Variants in SOX5 observed in about 807,000 individuals in gnomAD.
SOX5 encodes the protein SRY-box transcription factor 5.
Under a neutral mutation model 92.0 loss-of-function variants are expected in SOX5, and 9 were observed. That is an observed-to-expected ratio of 0.10 (90% CI 0.06 to 0.17). The LOEUF (loss-of-function observed/expected upper bound fraction) is 0.17. SOX5 is among the 10% of genes least tolerant of loss of function. The pLI is 1.00. For missense variants in SOX5, 642 were observed against 944.5 expected (o/e 0.68, Z 4.20); for synonymous variants, 344 against 336.3 (o/e 1.02, Z -0.25).
chr12:24,464,018 C>T (rs999002499), intron 1 of SOX5, among the ~76,000 whole-genome samples: 4 of 152,116 alleles, frequency 2.6e-5, no homozygotes, highest in African/African-American at 9.7e-5. Flanking sequence ...TTTAAAACTT[C>T]GCTGACAAAT....
intron 3 of SOX5, among the ~76,000 whole-genome samples, chr12:23,814,312 A>T (rs2095941386): frequency 6.6e-6 from 1 of 152,136 alleles, no homozygotes; most frequent in Non-Finnish European, 1.5e-5. Flanking sequence ...TCAGTGATAG[A>T]CGCCAAAACA....
chr12:23,776,224 G>A (rs2095094582), intron 3 of SOX5, among the ~76,000 whole-genome samples: 1 of 151,954 alleles, frequency 6.6e-6, no homozygotes, highest in African/African-American at 2.4e-5. Flanking sequence ...AAGTTCTCCT[G>A]GTCATTGTAA....
At chr12:24,260,605 T>C (rs1009404705) in intron 3 of SOX5, among the ~76,000 whole-genome samples, 1 of 152,156 alleles carries the variant, frequency 6.6e-6, no homozygotes, top group Non-Finnish European at 1.5e-5. Flanking sequence ...TGGACTTCCT[T>C]AGGTAGTGAT....
At chr12:24,375,532 C>G (rs1157659800) in intron 1 of SOX5, among the ~76,000 whole-genome samples, 1 of 151,470 alleles carries the variant, frequency 6.6e-6, no homozygotes, top group African/African-American at 2.4e-5. Context: ...GTCAGGAGTT[C>G]GAGACCAGCC....
chr12:23,833,219 A>G (rs963680774), intron 3 of SOX5, among the ~76,000 whole-genome samples: 4 of 152,014 alleles, frequency 2.6e-5, no homozygotes, highest in Non-Finnish European at 4.4e-5. Context: ...AGGAACAGGA[A>G]AGGTCTTAAC....
intron 6 of SOX5, among the ~76,000 whole-genome samples, chr12:23,697,869 A>G (rs1400272481): frequency 6.6e-6 from 1 of 152,128 alleles, no homozygotes; most frequent in East Asian, 1.9e-4. Flanking sequence ...ACATTTAATA[A>G]AATTAATGAC....
chr12:24,285,154 A>C (rs1945713788), intron 2 of SOX5, among the ~76,000 whole-genome samples: 1 of 152,104 alleles, frequency 6.6e-6, no homozygotes, highest in Non-Finnish European at 1.5e-5. Context: ...AAGAAAAAAA[A>C]ATAATCAGAG....
chr12:24,024,036 T>G (rs1054180274), intron 4 of SOX5, among the ~76,000 whole-genome samples: 3 of 152,054 alleles, frequency 2.0e-5, no homozygotes, highest in Non-Finnish European at 4.4e-5. Flanking sequence ...ATGCTGTTAT[T>G]TTTTTCTGAA....
At position 23,536,177 on chromosome 12, in the gene SOX5, T is replaced by A. The variant is rs576788480; in HGVS notation, c.1988+276A>T. On this transcript the variant is annotated intron_variant, in intron 14 of 14. Transcript: ENST00000451604. Reference sequence around the variant, plus strand: ...AATGAAGAAAAGAACCAGTTATACTTCTAAGTTTTTAATAGAAAACTTCAA... The same window carrying A: ...AATGAAGAAAAGAACCAGTTATACTACTAAGTTTTTAATAGAAAACTTCAA... Among the ~76,000 whole-genome samples, 3 of 152,344 alleles carry A rather than the reference T, an allele frequency of 2.0e-5. No homozygotes were observed. In the South Asian group the frequency reaches 6.2e-4, roughly 32 times the overall value.
chr12:24,255,799 G>A (rs968942872), intron 3 of SOX5, among the ~76,000 whole-genome samples: 5 of 152,106 alleles, frequency 3.3e-5, no homozygotes, highest in Admixed American at 2.6e-4. Context: ...CTTTTTTAAC[G>A]AATTTGAAAC....
intron 2 of SOX5, among the ~76,000 whole-genome samples, chr12:24,312,119 T>C (rs1949243065): frequency 6.6e-6 from 1 of 152,210 alleles, no homozygotes; most frequent in South Asian, 2.1e-4. Context: ...ACCACAACTA[T>C]TTATTTTTCT....
rs750241396 is a variant in SOX5 at position 23,640,883 on chromosome 12, C to G, written c.946G>C (p.Val316Leu). 2 of 1,613,498 alleles carry G rather than the reference C, an allele frequency of 1.2e-6. No homozygotes were observed. The highest frequency in any genetic ancestry group is 1.7e-6 in the Non-Finnish European group (2 of 1,179,438). Residue 316 changes from valine to leucine, a missense_variant, in exon 8 of 15, where the codon GTT becomes CTT. By Grantham distance (32) the Val-to-Leu change is conservative. This residue lies in a region of SOX5 where 324 missense variants were observed against 461.6 expected (regional missense o/e 0.70). Coordinates refer to ENST00000451604, the MANE Select transcript of SOX5 (RefSeq NM_006940.6). ...GCCATGGTAGTTGGGATCAGCTGAACAGGGTAAGGGTCACCTAAGTAAGAG... is the reference window on the plus strand; with the variant it reads ...GCCATGGTAGTTGGGATCAGCTGAAGAGGGTAAGGGTCACCTAAGTAAGAG... ...YKAGCSDPYP[V>L]QLIPTTMAAA...
At chr12:24,485,812 G>A (rs1309966043) in intron 1 of SOX5, among the ~76,000 whole-genome samples, 2 of 152,078 alleles carry the variant, frequency 1.3e-5, no homozygotes, top group Non-Finnish European at 2.9e-5. Flanking sequence ...GGTCTTTCAA[G>A]CAGCCACATT....
intron 6 of SOX5, among the ~76,000 whole-genome samples, chr12:23,722,507 T>G (rs2092876550): frequency 1.3e-5 from 2 of 152,176 alleles, no homozygotes; most frequent in South Asian, 4.1e-4. Flanking sequence ...AGTTACATAT[T>G]TTTTAATTTG....
Position 24,342,141 on chromosome 12 carries a change from CAA to C in SOX5, c.-174+26420_-174+26421del, listed in dbSNP as rs1326781974. On this transcript the variant is annotated intron_variant, in intron 2 of 4. Transcript: ENST00000446891. Reference sequence around the variant, plus strand: ...TCTGCCAACAACTTGTAGGAAATCTCAAGTCATAAACAACATCAACATTATGG... The same window carrying C: ...TCTGCCAACAACTTGTAGGAAATCTCGTCATAAACAACATCAACATTATGG... Among the ~76,000 whole-genome samples, 3 of 152,190 alleles carry C rather than the reference CAA, an allele frequency of 2.0e-5. No individual in the cohort carries two copies. The East Asian group carries it at 5.8e-4, about 29-fold the overall frequency.
chr12:23,822,479 G>T (rs556827541), intron 3 of SOX5, among the ~76,000 whole-genome samples: 17 of 152,280 alleles, frequency 1.1e-4, no homozygotes, highest in African/African-American at 3.9e-4. Context: ...TTGCACTGTG[G>T]TCTAAGAGAC....
intron 4 of SOX5, among the ~76,000 whole-genome samples, chr12:24,017,578 T>G (rs1430840267): frequency 6.6e-6 from 1 of 151,908 alleles, no homozygotes; most frequent in Non-Finnish European, 1.5e-5. Context: ...CCAGCCTGGG[T>G]GACAGAGTGA....
At chr12:24,454,904 C>T (rs1387267623) in intron 1 of SOX5, among the ~76,000 whole-genome samples, 2 of 152,140 alleles carry the variant, frequency 1.3e-5, no homozygotes, top group South Asian at 2.1e-4. Flanking sequence ...TAAAATCTGA[C>T]ACAAATAGAA....
At chr12:23,912,195 A>T (rs892857985) in intron 1 of SOX5, among the ~76,000 whole-genome samples, 1 of 152,150 alleles carries the variant, frequency 6.6e-6, no homozygotes, top group East Asian at 1.9e-4. Context: ...AAAGGATCTG[A>T]ATATACATTT....
Sources: allele counts gnomAD v4.1 joint callset (sites outside exome capture counted in the v4.1 genomes callset), GRCh38; gene constraint gnomAD v4.1.1; regional missense constraint gnomAD v4.1.1; transcripts MANE v1.5; gene names NCBI Gene and HGNC (gene_info 2026-07-23, HGNC 2026-07-21).